NKAIN2: variants seen among roughly 807,000 people sequenced by gnomAD.
NKAIN2 encodes sodium/potassium transporting ATPase interacting 2, also known as sodium/potassium-transporting ATPase subunit beta-1-interacting protein 2.
A neutral mutation model predicts 32.6 loss-of-function variants in NKAIN2; 14 were observed. That is an observed-to-expected ratio of 0.43 (90% CI 0.28 to 0.67). The LOEUF (loss-of-function observed/expected upper bound fraction) is 0.67, where lower values mean the gene tolerates loss of function less well. Among genes scored for constraint, NKAIN2 ranks in the 30% least tolerant of loss-of-function variants. The pLI, the probability that NKAIN2 is intolerant of heterozygous loss-of-function variation, is 0.17. For synonymous variants in NKAIN2, 80 were observed against 87.2 expected, an observed-to-expected ratio of 0.92 and a Z score of 0.46; for missense variants, 198 against 258.3, an observed-to-expected ratio of 0.77 and a Z score of 1.60.
intron 4 of NKAIN2, among the ~76,000 whole-genome samples, chr6:124,716,399 G>A (rs1775758380): frequency 6.6e-6 from 1 of 152,148 alleles, no homozygotes; most frequent in Non-Finnish European, 1.5e-5. Flanking sequence ...ATGTGGCATG[G>A]AGAGCATAAA....
At chr6:123,999,999 T>G (rs1779804831) in intron 1 of NKAIN2, among the ~76,000 whole-genome samples, 1 of 152,124 alleles carries the variant, frequency 6.6e-6, no homozygotes, top group Non-Finnish European at 1.5e-5. Flanking sequence ...TTTATTTAAA[T>G]TAAGCAGTGA....
At chr6:124,632,648 T>C (rs935377877) in intron 3 of NKAIN2, among the ~76,000 whole-genome samples, 1 of 152,192 alleles carries the variant, frequency 6.6e-6, no homozygotes. Flanking sequence ...TGGCTTTGTA[T>C]GTTATAAAAG....
intron 5 of NKAIN2, among the ~76,000 whole-genome samples, chr6:124,805,628 C>G (rs990520447): frequency 1.3e-5 from 2 of 152,168 alleles, no homozygotes; most frequent in African/African-American, 4.8e-5. Flanking sequence ...AGCAATGGAA[C>G]AAAGCTGGAT....
At position 124,285,372 on chromosome 6, in the gene NKAIN2, T is replaced by A. The variant is rs530834063; in HGVS notation, c.192+2230T>A. Among the ~76,000 whole-genome samples, 4 of 152,262 alleles carry A rather than the reference T, an allele frequency of 2.6e-5. No individual in the cohort carries two copies. The South Asian group carries it at 8.3e-4, about 32-fold the overall frequency. ...TAACAAATAGCACTGTCATCTTTTTTTTGCTTGGAAATCCCCTTAACCAGA... is the reference window on the plus strand; with the variant it reads ...TAACAAATAGCACTGTCATCTTTTTATTGCTTGGAAATCCCCTTAACCAGA... On this transcript the variant is annotated intron_variant, in intron 2 of 6. Transcript: ENST00000368417.
intron 3 of NKAIN2, among the ~76,000 whole-genome samples, chr6:124,383,598 T>C (rs1772748925): frequency 6.6e-6 from 1 of 152,162 alleles, no homozygotes; most frequent in African/African-American, 2.4e-5. Context: ...TGGCAGAGTG[T>C]TCCTTCATTC....
At chr6:123,865,695 T>C (rs191320134) in intron 1 of NKAIN2, among the ~76,000 whole-genome samples, 1 of 152,280 alleles carries the variant, frequency 6.6e-6, no homozygotes, top group East Asian at 1.9e-4. Flanking sequence ...ATGTACTAGT[T>C]AAGTAACCCC....
chr6:124,112,359 C>A (rs1036054185), intron 1 of NKAIN2, among the ~76,000 whole-genome samples: 2 of 152,012 alleles, frequency 1.3e-5, no homozygotes, highest in African/African-American at 2.4e-5. Context: ...TTTTATTTTT[C>A]TTTTTCCTTC....
At chr6:124,705,597 T>C (rs1225829971) in intron 4 of NKAIN2, among the ~76,000 whole-genome samples, 1 of 152,078 alleles carries the variant, frequency 6.6e-6, no homozygotes, top group Non-Finnish European at 1.5e-5. Context: ...ATGTTATCAG[T>C]AGCATTTGGG....
chr6:124,045,211 C>CAT (rs202032474), intron 1 of NKAIN2, among the ~76,000 whole-genome samples: 2,234 of 151,816 alleles, frequency 0.015, 53 homozygotes, highest in African/African-American at 0.051. Context: ...CAAAACCATG[C>CAT]ATATATATAT....
chr6:124,359,682 T>A (rs1799174570), intron 3 of NKAIN2, among the ~76,000 whole-genome samples: 1 of 152,138 alleles, frequency 6.6e-6, no homozygotes, highest in Admixed American at 6.5e-5. Context: ...GCTGAGACAA[T>A]GGGGTTTTCT....
chr6:124,492,639 A>G (rs1320618164), intron 3 of NKAIN2, among the ~76,000 whole-genome samples: 1 of 151,980 alleles, frequency 6.6e-6, no homozygotes, highest in East Asian at 1.9e-4. Flanking sequence ...ATGCTTTGGT[A>G]TCTTAGATTT....
chr6:124,227,527 A>G (rs1444358291), intron 1 of NKAIN2, among the ~76,000 whole-genome samples: 1 of 152,106 alleles, frequency 6.6e-6, no homozygotes, highest in African/African-American at 2.4e-5. Flanking sequence ...AACACTCTTA[A>G]ATTAAAGGAG....
intron 5 of NKAIN2, among the ~76,000 whole-genome samples, chr6:124,795,970 A>AC (rs1477532167): frequency 6.6e-6 from 1 of 152,164 alleles, no homozygotes; most frequent in Non-Finnish European, 1.5e-5. Context: ...CATTGAAAAA[A>AC]ATCTGGACCT....
At chr6:124,365,773 A>G (rs570886058) in intron 3 of NKAIN2, among the ~76,000 whole-genome samples, 39 of 152,202 alleles carry the variant, frequency 2.6e-4, no homozygotes, top group African/African-American at 7.9e-4. Flanking sequence ...AAATGTAGAA[A>G]GTCAAATTTT....
intron 4 of NKAIN2, among the ~76,000 whole-genome samples, chr6:124,715,901 A>T (rs1239061078): frequency 6.6e-6 from 1 of 152,236 alleles, no homozygotes; most frequent in Non-Finnish European, 1.5e-5. Flanking sequence ...GAGGAGGCAC[A>T]GGTGAAATCA....
At chr6:124,715,155 C>A (rs1278776409) in intron 4 of NKAIN2, among the ~76,000 whole-genome samples, 4 of 152,206 alleles carry the variant, frequency 2.6e-5, no homozygotes, top group African/African-American at 9.6e-5. Flanking sequence ...TCTCCATTTT[C>A]TCTTCTAGCC....
intron 1 of NKAIN2, among the ~76,000 whole-genome samples, chr6:124,150,526 G>T (rs893695355): frequency 6.6e-6 from 1 of 151,988 alleles, no homozygotes; most frequent in African/African-American, 2.4e-5. Flanking sequence ...TCATTAATCT[G>T]TCTAAATGAT....
intron 1 of NKAIN2, among the ~76,000 whole-genome samples, chr6:124,033,613 C>T (rs1008238793): frequency 5.3e-5 from 8 of 151,954 alleles, no homozygotes; most frequent in Non-Finnish European, 8.8e-5. Flanking sequence ...TGTTGATGGA[C>T]GATTTCATTC....
At chr6:124,500,355 A>G (rs1340584433) in intron 3 of NKAIN2, among the ~76,000 whole-genome samples, 1 of 152,014 alleles carries the variant, frequency 6.6e-6, no homozygotes, top group Non-Finnish European at 1.5e-5. Flanking sequence ...TTAATCTAAA[A>G]TGGGAAGATA....
Sources: allele counts gnomAD v4.1 joint callset (sites outside exome capture counted in the v4.1 genomes callset), GRCh38; gene constraint gnomAD v4.1.1; transcripts MANE v1.5; gene names NCBI Gene and HGNC (gene_info 2026-07-23, HGNC 2026-07-21).